PIK3R3: variants seen among roughly 807,000 people sequenced by gnomAD.
The protein encoded by PIK3R3 is phosphoinositide-3-kinase regulatory subunit 3, also known as phosphatidylinositol 3-kinase regulatory subunit gamma.
A neutral mutation model predicts 62.9 loss-of-function variants in PIK3R3; 64 were observed. The ratio of observed to expected loss-of-function variants is 1.02; its 90% CI spans 0.83 to 1.25. The LOEUF is 1.25. PIK3R3 is among the 50% of genes most tolerant of loss of function. The pLI is 0.00. For missense variants in PIK3R3, 614 were observed against 561.6 expected (o/e 1.09, Z -0.94); for synonymous variants, 165 against 189.0 (o/e 0.87, Z 1.04).
At chr1:46,077,234 C>T (rs549352690) in intron 3 of PIK3R3, among the ~76,000 whole-genome samples, 1 of 152,308 alleles carries the variant, frequency 6.6e-6, no homozygotes, top group African/African-American at 2.4e-5. Flanking sequence ...ATGACTTCTA[C>T]TTCCTTTATA....
At chr1:46,170,728 G>A in the PIK3R3 span, among the ~76,000 whole-genome samples, 3 of 152,194 alleles carry the variant, frequency 2.0e-5, no homozygotes, top group Non-Finnish European at 2.9e-5. Flanking sequence ...GCCCTGCCTG[G>A]TTTAAGCTTA....
chr1:46,050,269 A>G (rs1647244614), intron 7 of PIK3R3, among the ~76,000 whole-genome samples: 1 of 151,994 alleles, frequency 6.6e-6, no homozygotes, highest in South Asian at 2.1e-4. Flanking sequence ...TATCAGAAAT[A>G]TATTAAAGAA....
intron 1 of PIK3R3, among the ~76,000 whole-genome samples, chr1:46,081,521 T>G (rs1351099247): frequency 6.6e-6 from 1 of 152,190 alleles, no homozygotes; most frequent in East Asian, 1.9e-4. Context: ...CGAGGTTGTG[T>G]GATCCTTATG....
intron 1 of PIK3R3, among the ~76,000 whole-genome samples, chr1:46,105,473 C>T (rs1338771896): frequency 1.3e-5 from 2 of 151,776 alleles, no homozygotes; most frequent in African/African-American, 2.4e-5. Flanking sequence ...CACTGCACTC[C>T]AGCCTGGGTG....
intron 1 of PIK3R3, among the ~76,000 whole-genome samples, chr1:46,114,771 A>ATTTT (rs60059325): frequency 1.2e-4 from 12 of 99,296 alleles, no homozygotes; most frequent in East Asian, 3.1e-4. Context: ...AGCCTCACTA[A>ATTTT]TTTTTTTTTT....
chr1:46,123,848 G>C (rs1322593562), intron 1 of PIK3R3, among the ~76,000 whole-genome samples: 1 of 152,186 alleles, frequency 6.6e-6, no homozygotes, highest in Non-Finnish European at 1.5e-5. Flanking sequence ...TTCAACAAAT[G>C]TTAGCAACTA....
chr1:46,134,745 C>G (rs923773079), upstream of PIK3R3: 2 of 152,218 alleles, frequency 1.3e-5, no homozygotes, highest in African/African-American at 4.8e-5. Flanking sequence ...AAGATAATGG[C>G]TTTCAGATTT....
chr1:46,072,816 G>A (rs1649667038), intron 3 of PIK3R3, among the ~76,000 whole-genome samples: 1 of 152,006 alleles, frequency 6.6e-6, no homozygotes. Flanking sequence ...TAGCCACCAG[G>A]CATGGTGGCA....
At chr1:46,144,024 C>T in the PIK3R3 span, among the ~76,000 whole-genome samples, 1 of 152,170 alleles carries the variant, frequency 6.6e-6, no homozygotes, top group Non-Finnish European at 1.5e-5. Flanking sequence ...TGATGTCCCC[C>T]TTCTCAATTT....
intron 1 of PIK3R3, among the ~76,000 whole-genome samples, chr1:46,093,106 C>T (rs1403894317): frequency 2.0e-5 from 3 of 152,180 alleles, no homozygotes; most frequent in Non-Finnish European, 4.4e-5. Flanking sequence ...CTCCCTGAAC[C>T]AGCCCTAAGT....
chr1:46,161,572 G>A, the PIK3R3 span, among the ~76,000 whole-genome samples: 1 of 152,088 alleles, frequency 6.6e-6, no homozygotes, highest in Non-Finnish European at 1.5e-5. Context: ...AGAAAAAATT[G>A]TAAGAAAATA....
At chr1:46,111,189 T>C (rs1557621800) in intron 1 of PIK3R3, among the ~76,000 whole-genome samples, 1 of 152,182 alleles carries the variant, frequency 6.6e-6, no homozygotes, top group Non-Finnish European at 1.5e-5. Context: ...AATATATATA[T>C]ATGGGCACAT....
At chr1:46,170,453 T>A in the PIK3R3 span, among the ~76,000 whole-genome samples, 1 of 152,116 alleles carries the variant, frequency 6.6e-6, no homozygotes, top group East Asian at 1.9e-4. Context: ...AAAGTCTAGC[T>A]CTCGTCCCCC....
intron 1 of PIK3R3, among the ~76,000 whole-genome samples, chr1:46,123,784 C>T (rs951004369): frequency 1.9e-4 from 29 of 152,200 alleles, no homozygotes; most frequent in Non-Finnish European, 3.7e-4. Flanking sequence ...TGTTGTGTGG[C>T]TAAAAGAATA....
intron 1 of PIK3R3, among the ~76,000 whole-genome samples, chr1:46,104,278 T>C (rs1652981404): frequency 1.3e-5 from 2 of 152,220 alleles, no homozygotes; most frequent in Admixed American, 6.5e-5. Context: ...CGTACGGGCC[T>C]AGAATTGTTC....
At chr1:46,082,383 A>G (rs1017167726) in intron 1 of PIK3R3, among the ~76,000 whole-genome samples, 13 of 152,256 alleles carry the variant, frequency 8.5e-5, no homozygotes. Context: ...TTCAGATTGA[A>G]GAAGACTAAA....
rs1308692271 is a variant in PIK3R3, at chr1:46,040,448, C to G, written c.*3225G>C. On this transcript the variant is annotated 3_prime_UTR_variant, in exon 10 of 10. Coordinates refer to ENST00000262741, the MANE Select transcript of PIK3R3 (RefSeq NM_003629.4). ...CAAAGACAACAGAATAGATTTTTCA[C>G]AAGTAACGGCACCAAAGTCACATGC... 1 of 230,426 alleles carries G rather than the reference C, an allele frequency of 4.3e-6. No individual in the cohort carries two copies. The highest frequency in any genetic ancestry group is 2.2e-5 in the African/African-American group (1 of 45,180). The allele number at this position is 230,426 out of a possible 1,614,324, so 14.3% of individuals were successfully genotyped here.
At chr1:46,089,628 T>C (rs785482) in intron 1 of PIK3R3, among the ~76,000 whole-genome samples, 70,110 of 151,034 alleles carry the variant, frequency 0.46, 16,418 homozygotes, top group East Asian at 0.62. Context: ...GACCGGAGAA[T>C]TGCTTGAACC....
chr1:46,053,727 A>T (rs1647595911), intron 7 of PIK3R3, among the ~76,000 whole-genome samples: 1 of 152,008 alleles, frequency 6.6e-6, no homozygotes, highest in Admixed American at 6.6e-5. Flanking sequence ...CCAATTTATG[A>T]TTTTTTTTAT....
Sources: allele counts gnomAD v4.1 joint callset (sites outside exome capture counted in the v4.1 genomes callset), GRCh38; gene constraint gnomAD v4.1.1; transcripts MANE v1.5; gene names NCBI Gene and HGNC (gene_info 2026-07-23, HGNC 2026-07-21).